The following TBC1D1 variants were observed in gnomAD, a reference collection of about 807,000 sequenced individuals.
The protein encoded by TBC1D1 is TBC1 (tre-2/USP6, BUB2, cdc16) domain family, member 1.
Under a neutral mutation model 125.6 loss-of-function variants are expected in TBC1D1, and 89 were observed. The ratio of observed to expected loss-of-function variants is 0.71; its 90% CI spans 0.60 to 0.85. The LOEUF is 0.85. Ranked by LOEUF, TBC1D1 falls within the 40% of genes least tolerant of loss-of-function variation. TBC1D1 has a pLI of 0.00. For missense variants in TBC1D1, 1,377 were observed against 1,469.2 expected (o/e 0.94, Z 1.03); for synonymous variants, 565 against 564.1 (o/e 1.00, Z -0.02).
chr4:38,053,242 A>G lies in TBC1D1; in HGVS notation c.1911-957A>G. 1 of 1,486,996 alleles carries G rather than the reference A, an allele frequency of 6.7e-7. No individual in the cohort carries two copies. Among genetic ancestry groups the G allele is most frequent in the Non-Finnish European group, 8.9e-7 (1 of 1,119,840 alleles). The allele number at this position is 1,486,996 out of a possible 1,614,324, so 92.1% of individuals were successfully genotyped here. ...CACAAAAAGGTAGGGCTTAATTTAG[A>G]TATATCAAGCCTGGGTGTTACTAAG... On this transcript the variant is annotated intron_variant, in intron 11 of 19. Transcript: ENST00000261439.
chr4:38,080,313 G>A (rs897865187), intron 12 of TBC1D1, among the ~76,000 whole-genome samples: 1 of 152,094 alleles, frequency 6.6e-6, no homozygotes, highest in African/African-American at 2.4e-5. Flanking sequence ...AAAAATCCAC[G>A]TGGATGAGAT....
chr4:37,951,794 AGAATAAACACT>A (rs533047877), intron 2 of TBC1D1, among the ~76,000 whole-genome samples: 3 of 152,366 alleles, frequency 2.0e-5, no homozygotes, highest in African/African-American at 7.2e-5. Flanking sequence ...TTTGTCCAGG[AGAATAAACACT>A]GAAAATCTGT....
At chr4:37,918,950 A>G (rs950445211) in intron 2 of TBC1D1, among the ~76,000 whole-genome samples, 3 of 152,198 alleles carry the variant, frequency 2.0e-5, no homozygotes, top group Non-Finnish European at 2.9e-5. Context: ...ATAATTGCTG[A>G]GGACTGTTGA....
intron 8 of TBC1D1, among the ~76,000 whole-genome samples, chr4:38,040,970 T>TA (rs1462665718): frequency 6.6e-6 from 1 of 152,222 alleles, no homozygotes; most frequent in Non-Finnish European, 1.5e-5. Context: ...ATGTCCAGGG[T>TA]ACGCTCTATA....
intron 2 of TBC1D1, among the ~76,000 whole-genome samples, chr4:37,942,258 A>G (rs1461812649): frequency 1.3e-5 from 2 of 152,154 alleles, no homozygotes; most frequent in African/African-American, 2.4e-5. Context: ...TGTTGAATTG[A>G]TCCCTTTACC....
chr4:38,107,184 G>A (rs949066481), intron 15 of TBC1D1, among the ~76,000 whole-genome samples: 8 of 152,188 alleles, frequency 5.3e-5, no homozygotes, highest in African/African-American at 1.9e-4. Context: ...TCTCCCCACT[G>A]GAACGGGGAA....
intron 2 of TBC1D1, among the ~76,000 whole-genome samples, chr4:37,951,168 T>C (rs1727788313): frequency 1.3e-5 from 2 of 152,218 alleles, no homozygotes; most frequent in Admixed American, 1.3e-4. Flanking sequence ...ATATTGTCCT[T>C]TGTGTTCAAA....
Position 37,902,469 on chromosome 4 carries a change from G to A in TBC1D1, c.374G>A (p.Arg125Gln), listed in dbSNP as rs748411373. Reference sequence around the variant, plus strand: ...CTGATTAAGGAAGACGCTGTCCACCGGCAGAGTATCTGCTATGTGTTCAAA... The same window carrying A: ...CTGATTAAGGAAGACGCTGTCCACCAGCAGAGTATCTGCTATGTGTTCAAA... The change falls in exon 2 of 20, where the codon CGG (arginine) becomes CAG (glutamine). Residue 125 changes from arginine (R) to glutamine (Q), a missense_variant. Arg to Gln is a conservative substitution (Grantham distance 43). Around this residue, in one of 3 missense-constraint regions of TBC1D1, gnomAD observed 822 missense variants for 824.6 expected, o/e 1.00. Transcript: ENST00000261439. 6.3e-5 allele frequency: 102 copies of A among 1,613,258 alleles called. No individual in the cohort carries two copies. The highest frequency in any genetic ancestry group is 1.6e-4 in the Middle Eastern group (1 of 6,078).
chr4:38,095,321 C>A (rs1032838813), intron 13 of TBC1D1, among the ~76,000 whole-genome samples: 1 of 152,170 alleles, frequency 6.6e-6, no homozygotes, highest in South Asian at 2.1e-4. Context: ...ATTACTCCCC[C>A]CTGGGCTTGA....
Position 38,102,996 on chromosome 4 carries a change from A to C in TBC1D1, c.2399-3A>C, listed in dbSNP as rs1199129431. ...ATTTCCATGTCTTCTCTCCCTTTTA[A>C]AGGTGTGCCACGTCATCACCGAGGT... On this transcript the variant is annotated splice_polypyrimidine_tract_variant and splice_region_variant and intron_variant, in intron 14 of 19. Coordinates refer to ENST00000261439, the MANE Select transcript of TBC1D1 (RefSeq NM_015173.4). 6.2e-7 allele frequency: 1 copy of C among 1,612,688 alleles called. No individual in the cohort carries two copies. The highest frequency in any genetic ancestry group is 1.1e-5 in the South Asian group (1 of 90,622).
intron 6 of TBC1D1, among the ~76,000 whole-genome samples, chr4:38,025,164 T>G (rs1168141820): frequency 6.6e-6 from 1 of 152,168 alleles, no homozygotes; most frequent in East Asian, 1.9e-4. Context: ...CACCGCTCTC[T>G]CTAACAAGGG....
At chr4:38,084,450 A>G (rs1290281365) in intron 12 of TBC1D1, among the ~76,000 whole-genome samples, 1 of 152,270 alleles carries the variant, frequency 6.6e-6, no homozygotes, top group East Asian at 1.9e-4. Context: ...GGCAGGGAAC[A>G]CAGAAATCTC....
intron 2 of TBC1D1, among the ~76,000 whole-genome samples, chr4:37,982,494 TG>T (rs1313179808): frequency 3.3e-5 from 5 of 152,226 alleles, no homozygotes; most frequent in African/African-American, 1.2e-4. Context: ...TAAGCAAAGC[TG>T]GTATAACCCT....
At position 37,995,634 on chromosome 4, in the gene TBC1D1, CT is replaced by C; in HGVS notation, c.418-18871del. On this transcript the variant is annotated intron_variant, in intron 2 of 19. Transcript: ENST00000261439. This position sits in a 1 kb window ranked among gnomAD's most constrained non-coding sequence, Gnocchi z 4.3. ...CCTCCCCATAGGCTGTCTTATCTCA[CT>C]TTTGCACCAACGCCTGGTAATCCAT... 1 of 503,332 alleles carries C rather than the reference CT, an allele frequency of 2.0e-6. No individual in the cohort carries two copies. Among genetic ancestry groups the C allele is most frequent in the Non-Finnish European group, 4.0e-6 (1 of 251,798 alleles). 31.2% of individuals were successfully genotyped at this position (503,332 alleles called of 1,614,324 possible). A position where few individuals can be genotyped will look rare whatever the true frequency, so the allele number is the denominator to read the frequency against.
intron 2 of TBC1D1, among the ~76,000 whole-genome samples, chr4:38,004,664 A>C (rs756176828): frequency 3.6e-4 from 55 of 152,234 alleles, no homozygotes; most frequent in Non-Finnish European, 5.1e-4. Flanking sequence ...CTATGATCCC[A>C]CTTAAAAAAA....
At chr4:38,118,331 A>T in intron 17 of TBC1D1, 139 bp downstream of exon 19, 1 of 1,066,912 alleles carries the variant, frequency 9.4e-7, no homozygotes, top group South Asian at 1.6e-5. Context: ...GTCTAAGATT[A>T]GTCAGGGGTG....
chr4:37,944,217 C>T (rs564027740), intron 2 of TBC1D1, among the ~76,000 whole-genome samples: 1 of 152,306 alleles, frequency 6.6e-6, no homozygotes, highest in East Asian at 1.9e-4. Context: ...GAGGGGTACC[C>T]AGCCATGTGA....
intron 2 of TBC1D1, among the ~76,000 whole-genome samples, chr4:37,937,681 T>TGCACAGG (rs1724677661): frequency 6.6e-6 from 1 of 152,236 alleles, no homozygotes; most frequent in Non-Finnish European, 1.5e-5. Context: ...TTTCATAAAC[T>TGCACAGG]GCTGGACTTC....
At chr4:38,065,121 A>G (rs752092535) in intron 12 of TBC1D1, among the ~76,000 whole-genome samples, 6 of 152,050 alleles carry the variant, frequency 3.9e-5, no homozygotes, top group Non-Finnish European at 7.4e-5. Context: ...ATTTTTTAAT[A>G]GAGACGGAGT....
Sources: allele counts gnomAD v4.1 joint callset (sites outside exome capture counted in the v4.1 genomes callset), GRCh38; gene constraint gnomAD v4.1.1; regional missense constraint gnomAD v4.1.1; non-coding constraint Gnocchi (gnomAD v3.1); transcripts MANE v1.5; gene names NCBI Gene and HGNC (gene_info 2026-07-23, HGNC 2026-07-21).